Variants in ZDHHC11B observed in about 807,000 individuals in gnomAD.
ZDHHC11B encodes the protein probable palmitoyltransferase ZDHHC11B.
In ZDHHC11B, 17 loss-of-function variants were observed where a neutral mutation model predicts 42.3. The observed-to-expected ratio is 0.40, with a 90% CI of 0.27 to 0.60. The LOEUF (loss-of-function observed/expected upper bound fraction) is 0.60. Ranked by LOEUF, ZDHHC11B falls within the 20% of genes least tolerant of loss-of-function variation. ZDHHC11B has a pLI of 0.41. For synonymous variants in ZDHHC11B, 123 were observed against 193.5 expected (o/e 0.64, Z 3.02); for missense variants, 262 against 463.2 (o/e 0.57, Z 3.99).
In ZDHHC11B at chr5:775,913, C is replaced by T. The variant is rs1304380090; in HGVS notation, c.-229-6983G>A. 2.7e-5 allele frequency among the ~76,000 whole-genome samples: 4 copies of T among 147,142 alleles called. No homozygotes were observed. In the Admixed American group the frequency reaches 2.7e-4, roughly 10 times the overall value. Reference sequence around the variant, plus strand: ...TCAGCAGTATTCAGGCATCTCTCAGCTGGTGACAGGAGCTGTCCCAGGCCC... The same window carrying T: ...TCAGCAGTATTCAGGCATCTCTCAGTTGGTGACAGGAGCTGTCCCAGGCCC... On this transcript the variant is annotated intron_variant, in intron 1 of 13. Coordinates refer to ENST00000508859, the MANE Select transcript of ZDHHC11B (RefSeq NM_001351303.2).
chr5:763,641 C>T (rs1417447589), intron 4 of ZDHHC11B, among the ~76,000 whole-genome samples: 3 of 151,702 alleles, frequency 2.0e-5, no homozygotes, highest in African/African-American at 7.3e-5. Context: ...CACAGCAGCC[C>T]CATGGCACGT....
At chr5:766,643 G>A (rs577359513) in intron 4 of ZDHHC11B, 55 bp downstream of exon 4, 52 of 1,522,614 alleles carry the variant, frequency 3.4e-5, no homozygotes, top group East Asian at 3.1e-4. Flanking sequence ...CAGGTCCATC[G>A]CAGGGTCCTC....
At chr5:760,817 C>T (rs1229479292) in intron 4 of ZDHHC11B, among the ~76,000 whole-genome samples, 3 of 151,674 alleles carry the variant, frequency 2.0e-5, no homozygotes, top group Non-Finnish European at 2.9e-5. Flanking sequence ...GGCAGTGACC[C>T]GGCCCACCCT....
At chr5:743,116 A>G (rs535143399) in intron 9 of ZDHHC11B, among the ~76,000 whole-genome samples, 1 of 149,412 alleles carries the variant, frequency 6.7e-6, no homozygotes, top group Non-Finnish European at 1.5e-5. Flanking sequence ...CACTTGCTGA[A>G]CTATAATTTC....
intron 10 of ZDHHC11B, among the ~76,000 whole-genome samples, chr5:735,748 T>C (rs1409883241): frequency 1.3e-5 from 2 of 149,600 alleles, no homozygotes; most frequent in African/African-American, 5.0e-5. Context: ...AAAATGTCTG[T>C]TTCAGAACAA....
chr5:721,903 C>A (rs1742217468), intron 12 of ZDHHC11B, among the ~76,000 whole-genome samples: 1 of 151,594 alleles, frequency 6.6e-6, no homozygotes, highest in South Asian at 2.1e-4. Flanking sequence ...ACTAGACAGC[C>A]CAGAAATAGA....
intron 1 of ZDHHC11B, among the ~76,000 whole-genome samples, chr5:776,396 C>T (rs1371703060): frequency 1.4e-4 from 21 of 151,790 alleles, no homozygotes; most frequent in Admixed American, 5.3e-4. Flanking sequence ...GGGATCAGGA[C>T]CAGGGAGAAG....
Position 766,876 on chromosome 5 carries a change from G to T in ZDHHC11B, c.44C>A (p.Ala15Asp), listed in dbSNP as rs1286974643. The change falls in exon 4 of 14, where the codon GCC becomes GAC. Residue 15 changes from alanine (A) to aspartate (D), a missense_variant. Coordinates refer to ENST00000508859, the MANE Select transcript of ZDHHC11B (RefSeq NM_001351303.2). ...GACCAGCTCTTCATTGTTGCGTATG[G>T]CTTCTGGGGTGACGGAACACTGGCT... ...SGSQCSVTPE[A>D]IRNNEELVLP... is the part of the protein sequence containing the mutation. 2.5e-6 allele frequency: 4 copies of T among 1,612,686 alleles called. No individual in the cohort carries two copies. The highest frequency in any genetic ancestry group is 3.4e-6 in the Non-Finnish European group (4 of 1,179,226).
chr5:778,360 A>T (rs1270935196), intron 1 of ZDHHC11B, among the ~76,000 whole-genome samples: 1 of 150,916 alleles, frequency 6.6e-6, no homozygotes, highest in Non-Finnish European at 1.5e-5. Flanking sequence ...GACAGCAAGG[A>T]CTCTCACGCG....
chr5:781,106 TG>T (rs1736924717), intron 1 of ZDHHC11B, among the ~76,000 whole-genome samples: 1 of 143,750 alleles, frequency 7.0e-6, no homozygotes, highest in African/African-American at 2.6e-5. Context: ...GGTGTGTTTC[TG>T]GGCGGGGATC....
At chr5:720,588 TAAAG>T (rs1323401089) in intron 12 of ZDHHC11B, among the ~76,000 whole-genome samples, 1 of 151,766 alleles carries the variant, frequency 6.6e-6, no homozygotes, top group Non-Finnish European at 1.5e-5. Context: ...TACAAAGAAA[TAAAG>T]AACATTGGTA....
chr5:777,875 C>T lies in ZDHHC11B; in HGVS notation c.-230+6793G>A, dbSNP rs1197232558. Among the ~76,000 whole-genome samples the T allele has an allele frequency of 2.6e-5, 4 of 151,754 alleles. No individual in the cohort carries two copies. The East Asian group carries it at 7.7e-4, about 29-fold the overall frequency. On this transcript the variant is annotated intron_variant, in intron 1 of 13. Transcript: ENST00000508859. ...CATGGGACCCGGCGGGGGCGGCGCC[C>T]TTCCGGGAGGCCCCAGCACCGAGGG...
chr5:730,346 TTAAA>T (rs1742925879), intron 12 of ZDHHC11B, 84 bp downstream of exon 12: 1 of 1,429,742 alleles, frequency 7.0e-7, no homozygotes, highest in South Asian at 1.4e-5. Flanking sequence ...TTTGAACATG[TTAAA>T]TAGAGAACAT....
intron 4 of ZDHHC11B, among the ~76,000 whole-genome samples, chr5:762,682 A>T (rs535930714): frequency 6.6e-6 from 1 of 151,818 alleles, no homozygotes; most frequent in Non-Finnish European, 1.5e-5. Context: ...GAAAATACAT[A>T]GCTTTAAACA....
intron 1 of ZDHHC11B, among the ~76,000 whole-genome samples, chr5:783,944 C>T (rs1737065419): frequency 1.3e-5 from 2 of 150,704 alleles, no homozygotes; most frequent in Non-Finnish European, 3.0e-5. Flanking sequence ...CTTCTCACCT[C>T]CCTCGGCTCC....
chr5:714,959 C>T, intron 13 of ZDHHC11B, among the ~76,000 whole-genome samples: 1 of 151,366 alleles, frequency 6.6e-6, no homozygotes, highest in Non-Finnish European at 1.5e-5. Context: ...TGGAGCCTCC[C>T]CCAGCCCTTC....
chr5:776,509 G>A (rs1191014474), intron 1 of ZDHHC11B, among the ~76,000 whole-genome samples: 2 of 151,950 alleles, frequency 1.3e-5, no homozygotes, highest in African/African-American at 2.4e-5. Flanking sequence ...ACTGCAAGGC[G>A]CCTGCTGGGC....
intron 1 of ZDHHC11B, among the ~76,000 whole-genome samples, chr5:776,430 A>C (rs1311600565): frequency 6.6e-6 from 1 of 151,868 alleles, no homozygotes; most frequent in Non-Finnish European, 1.5e-5. Flanking sequence ...AATCCGAAGC[A>C]CAGGAATGGC....
At chr5:722,677 C>T (rs1579248088) in intron 12 of ZDHHC11B, among the ~76,000 whole-genome samples, 1 of 151,722 alleles carries the variant, frequency 6.6e-6, no homozygotes, top group African/African-American at 2.4e-5. Context: ...GAAATGGTTG[C>T]ACCTGTACAA....
Sources: allele counts gnomAD v4.1 joint callset (sites outside exome capture counted in the v4.1 genomes callset), GRCh38; gene constraint gnomAD v4.1.1; transcripts MANE v1.5; gene names NCBI Gene and HGNC (gene_info 2026-07-23, HGNC 2026-07-21).